Variants in GALNT7 observed in about 807,000 individuals in gnomAD.
The protein encoded by GALNT7 is polypeptide N-acetylgalactosaminyltransferase 7.
In GALNT7, 60 loss-of-function variants were observed where a neutral mutation model predicts 82.1. The observed-to-expected ratio is 0.73, with a 90% confidence interval of 0.59 to 0.91. The LOEUF (loss-of-function observed/expected upper bound fraction) is 0.91, where lower values mean the gene tolerates loss of function less well. Ranked by LOEUF, GALNT7 falls within the 40% of genes least tolerant of loss-of-function variation. GALNT7 has a pLI of 0.00. For synonymous variants in GALNT7, 243 were observed against 275.1 expected (o/e 0.88, Z 1.15); for missense variants, 660 against 804.2 (o/e 0.82, Z 2.17).
chr4:173,304,195 T>C, intron 8 of GALNT7, 77 bp downstream of exon 8: 4 of 1,275,336 alleles, frequency 3.1e-6, no homozygotes, highest in Non-Finnish European at 4.4e-6. Flanking sequence ...ACTTAACAAT[T>C]GTCAGCTTAT....
At chr4:173,209,729 C>T (rs948846572) in intron 1 of GALNT7, among the ~76,000 whole-genome samples, 1 of 152,228 alleles carries the variant, frequency 6.6e-6, no homozygotes, top group Non-Finnish European at 1.5e-5. Context: ...TCTTTCCCAC[C>T]CTACCTGCCA....
At chr4:173,177,161 C>T (rs915051068) in intron 1 of GALNT7, among the ~76,000 whole-genome samples, 1 of 152,060 alleles carries the variant, frequency 6.6e-6, no homozygotes, top group African/African-American at 2.4e-5. Flanking sequence ...GGCCCCATCC[C>T]CCGAATTTCT....
At chr4:173,281,892 C>G (rs1331526677) in intron 2 of GALNT7, among the ~76,000 whole-genome samples, 2 of 152,094 alleles carry the variant, frequency 1.3e-5, no homozygotes, top group Admixed American at 1.3e-4. Flanking sequence ...GCAGTTTTGC[C>G]AGTGCACCTT....
chr4:173,240,801 T>A (rs747857655), intron 1 of GALNT7, among the ~76,000 whole-genome samples: 1 of 152,226 alleles, frequency 6.6e-6, no homozygotes, highest in Non-Finnish European at 1.5e-5. Context: ...TAACCCTTGT[T>A]TGGCTTCTTC....
At chr4:173,251,746 C>T (rs1040945974) in intron 2 of GALNT7, among the ~76,000 whole-genome samples, 2 of 152,186 alleles carry the variant, frequency 1.3e-5, no homozygotes. Flanking sequence ...AGAAATAGGA[C>T]ATTGCATGTT....
At chr4:173,254,555 C>T (rs891426724) in intron 2 of GALNT7, among the ~76,000 whole-genome samples, 1 of 152,102 alleles carries the variant, frequency 6.6e-6, no homozygotes, top group South Asian at 2.1e-4. Flanking sequence ...AACATTAAGA[C>T]AAATATTTAG....
At chr4:173,300,138 A>C (rs567177731) in intron 6 of GALNT7, among the ~76,000 whole-genome samples, 3 of 152,226 alleles carry the variant, frequency 2.0e-5, no homozygotes, top group Non-Finnish European at 4.4e-5. Context: ...CATTGAATTT[A>C]AAATACAGTG....
At chr4:173,175,768 A>G (rs1321181428) in intron 1 of GALNT7, among the ~76,000 whole-genome samples, 1 of 152,178 alleles carries the variant, frequency 6.6e-6, no homozygotes, top group African/African-American at 2.4e-5. Context: ...ACATCTGTAC[A>G]TGGTAATATG....
intron 1 of GALNT7, among the ~76,000 whole-genome samples, chr4:173,217,208 A>G (rs201265013): frequency 6.6e-6 from 1 of 152,120 alleles, no homozygotes; most frequent in East Asian, 1.9e-4. Context: ...ATGCATATAC[A>G]TGTATAGGCA....
chr4:173,204,167 T>C (rs904775472), intron 1 of GALNT7, among the ~76,000 whole-genome samples: 2 of 152,220 alleles, frequency 1.3e-5, no homozygotes, highest in South Asian at 2.1e-4. Flanking sequence ...CACTCTCTCC[T>C]GGCCTGTAAG....
chr4:173,226,254 T>G (rs934877443), intron 1 of GALNT7, among the ~76,000 whole-genome samples: 12 of 152,338 alleles, frequency 7.9e-5, no homozygotes, highest in Admixed American at 2.0e-4. Context: ...AATATATATA[T>G]TTAGAGGCAT....
chr4:173,176,760 CT>C (rs1273740484), intron 1 of GALNT7, among the ~76,000 whole-genome samples: 3 of 151,968 alleles, frequency 2.0e-5, no homozygotes, highest in Non-Finnish European at 2.9e-5. Context: ...ATCCTGGGGA[CT>C]ACATGGCTGA....
At chr4:173,299,467 G>T (rs921873997) in intron 6 of GALNT7, among the ~76,000 whole-genome samples, 2 of 152,100 alleles carry the variant, frequency 1.3e-5, no homozygotes, top group Non-Finnish European at 2.9e-5. Flanking sequence ...TTAAAGGGAG[G>T]TTATCTGTTG....
intron 10 of GALNT7, among the ~76,000 whole-genome samples, 164 bp downstream of exon 10, chr4:173,317,896 T>G (rs988021728): frequency 1.3e-5 from 2 of 152,232 alleles, no homozygotes; most frequent in East Asian, 3.8e-4. Context: ...AACATTCACT[T>G]AAATGATGGG....
rs560021455 is a variant in GALNT7, at chr4:173,250,715, A to G, written c.587+2275A>G. Among the ~76,000 whole-genome samples the G allele has an allele frequency of 2.8e-4, 43 of 152,256 alleles. 1 individual carries two copies. The East Asian group carries it at 7.9e-3, about 28-fold the overall frequency. On this transcript the variant is annotated intron_variant, in intron 2 of 11. Transcript: ENST00000265000. ...CATTCTGTGCCTTCCCATTGCACTTAAAACCCAAACTCCTAACGTGCAGCA... is the reference window on the plus strand; with the variant it reads ...CATTCTGTGCCTTCCCATTGCACTTGAAACCCAAACTCCTAACGTGCAGCA...
intron 1 of GALNT7, among the ~76,000 whole-genome samples, chr4:173,229,390 C>T (rs1733948950): frequency 6.6e-6 from 1 of 152,010 alleles, no homozygotes; most frequent in African/African-American, 2.4e-5. Flanking sequence ...AACAGTGATT[C>T]TAAGGAATAT....
At chr4:173,217,124 A>G (rs2126681646) in intron 1 of GALNT7, among the ~76,000 whole-genome samples, 1 of 152,202 alleles carries the variant, frequency 6.6e-6, no homozygotes, top group Non-Finnish European at 1.5e-5. Context: ...TCACTCATCT[A>G]CTGTAAGTAC....
At chr4:173,309,725 A>G (rs1424578153) in intron 8 of GALNT7, among the ~76,000 whole-genome samples, 1 of 152,226 alleles carries the variant, frequency 6.6e-6, no homozygotes, top group Non-Finnish European at 1.5e-5. Context: ...ATAAGCAGAC[A>G]GCTAAGCTTT....
chr4:173,236,765 T>G (rs1482244685), intron 1 of GALNT7, among the ~76,000 whole-genome samples: 2 of 152,228 alleles, frequency 1.3e-5, no homozygotes, highest in South Asian at 2.1e-4. Context: ...AGGCATTCCC[T>G]TCCTCCAGGC....
Sources: allele counts gnomAD v4.1 joint callset (sites outside exome capture counted in the v4.1 genomes callset), GRCh38; gene constraint gnomAD v4.1.1; transcripts MANE v1.5; gene names NCBI Gene and HGNC (gene_info 2026-07-23, HGNC 2026-07-21).